The following GATA4 variants were observed in gnomAD, a reference collection of about 807,000 sequenced individuals.
GATA4 encodes GATA binding protein 4, also known as transcription factor GATA-4.
Under a neutral mutation model 37.9 loss-of-function variants are expected in GATA4, and 7 were observed. The observed-to-expected ratio is 0.18, with a 90% CI of 0.11 to 0.35. The LOEUF is 0.35. Among genes scored for constraint, GATA4 ranks in the 10% least tolerant of loss-of-function variants. The pLI is 1.00. For synonymous variants in GATA4, 372 were observed against 292.6 expected (o/e 1.27, Z -2.77); for missense variants, 647 against 653.0 (o/e 0.99, Z 0.10).
intron 1 of GATA4, among the ~76,000 whole-genome samples, chr8:11,686,726 GC>G (rs1799147355): frequency 6.6e-6 from 1 of 152,178 alleles, no homozygotes; most frequent in South Asian, 2.1e-4. Context: ...CAGGCTGGGC[GC>G]AGTAGCTCAT....
intron 2 of GATA4, among the ~76,000 whole-genome samples, chr8:11,734,132 A>G (rs1159081529): frequency 6.6e-6 from 1 of 152,256 alleles, no homozygotes; most frequent in Non-Finnish European, 1.5e-5. Flanking sequence ...TTTTATACAT[A>G]TACATTTGAA....
In GATA4 at chr8:11,756,915, C is replaced by T. The variant is rs766381254; in HGVS notation, c.1001-20C>T. 1 of 1,614,212 alleles carries T rather than the reference C, an allele frequency of 6.2e-7. No individual in the cohort carries two copies. Among genetic ancestry groups the T allele is most frequent in the Non-Finnish European group, 8.5e-7 (1 of 1,180,038 alleles). Reference sequence around the variant, plus strand: ...TGTCCCTGCCGCTGATTTGGGTGTGCTGACTCTGCTTCATTCCAGCTCCTT... The same window carrying T: ...TGTCCCTGCCGCTGATTTGGGTGTGTTGACTCTGCTTCATTCCAGCTCCTT... On this transcript the variant is annotated intron_variant, in intron 5 of 6. Coordinates refer to ENST00000532059, the MANE Select transcript of GATA4 (RefSeq NM_001308093.3).
chr8:11,690,367 A>G (rs747485431), upstream of GATA4, among the ~76,000 whole-genome samples: 1 of 152,252 alleles, frequency 6.6e-6, no homozygotes, highest in African/African-American at 2.4e-5. Context: ...AATGTCTACT[A>G]TATGTTAGAA....
upstream of GATA4, chr8:11,691,927 A>C: frequency 1.2e-6 from 1 of 818,464 alleles, no homozygotes; most frequent in Non-Finnish European, 1.5e-6. Flanking sequence ...AAAAAAAAAA[A>C]TCAAAAACCA....
intron 2 of GATA4, among the ~76,000 whole-genome samples, chr8:11,730,924 C>T (rs913952204): frequency 2.6e-5 from 4 of 152,238 alleles, no homozygotes; most frequent in Non-Finnish European, 2.9e-5. Context: ...GCTCACATTT[C>T]AGGGCATGTG....
In GATA4 at chr8:11,709,581, G is replaced by A. The variant is rs979305928; in HGVS notation, c.616+653G>A. ...GGGCGCATCATGCGGGCAGCGGGGG[G>A]GGGGGCGCACACGCCCGGTCAGTGT... On this transcript the variant is annotated intron_variant, in intron 2 of 6. Coordinates refer to ENST00000532059, the MANE Select transcript of GATA4 (RefSeq NM_001308093.3). This position sits in a 1 kb window ranked among gnomAD's most constrained non-coding sequence, Gnocchi z 4.3. Among the ~76,000 whole-genome samples, 1 of 151,966 alleles carries A rather than the reference G, an allele frequency of 6.6e-6. No individual in the cohort carries two copies. The highest frequency in any genetic ancestry group is 6.6e-5 in the Admixed American group (1 of 15,254).
At chr8:11,733,770 C>A (rs28530664) in intron 2 of GATA4, among the ~76,000 whole-genome samples, 3,731 of 152,314 alleles carry the variant, frequency 0.024, 90 homozygotes, top group East Asian at 0.1. Context: ...CTGCTCTGTT[C>A]TTTCCTGTAC....
rs1479512602 is a variant in GATA4, at chr8:11,758,559, C to G, written c.*84C>G. ...AAGGAGGCCCTGGGCTCCCAGGGGCCGGCCTCCTCTGCCTGGTAATGACTC... is the reference window on the plus strand; with the variant it reads ...AAGGAGGCCCTGGGCTCCCAGGGGCGGGCCTCCTCTGCCTGGTAATGACTC... On this transcript the variant is annotated 3_prime_UTR_variant, in exon 7 of 7. Transcript: ENST00000532059. 7 of 1,351,194 alleles carry G rather than the reference C, an allele frequency of 5.2e-6. No homozygotes were observed. Among genetic ancestry groups the G allele is most frequent in the Non-Finnish European group, 7.4e-6 (7 of 942,872 alleles). The allele number at this position is 1,351,194 out of a possible 1,614,324, so 83.7% of individuals were successfully genotyped here. A position where few individuals can be genotyped will look rare whatever the true frequency, so the allele number is the denominator to read the frequency against.
chr8:11,727,354 G>A (rs184443852), intron 2 of GATA4, among the ~76,000 whole-genome samples: 70 of 152,298 alleles, frequency 4.6e-4, no homozygotes, highest in East Asian at 1.9e-3. Flanking sequence ...TGCTGGGAAG[G>A]GGGGAGAGCT....
chr8:11,702,375 G>A (rs1799705584), upstream of GATA4, among the ~76,000 whole-genome samples: 2 of 151,870 alleles, frequency 1.3e-5, no homozygotes, highest in South Asian at 4.2e-4. The surrounding 1 kb of genome is among the most constrained non-coding windows in gnomAD (Gnocchi z 4.4). Context: ...GAAAGGCCGG[G>A]ATAGCTTCCC....
At chr8:11,699,864 T>A (rs1269961447), upstream of GATA4, among the ~76,000 whole-genome samples, 1 of 152,280 alleles carries the variant, frequency 6.6e-6, no homozygotes, top group Non-Finnish European at 1.5e-5. Flanking sequence ...TTTTATTTTT[T>A]AAATGTTAAA....
chr8:11,691,460 C>G (rs1175631521), upstream of GATA4, among the ~76,000 whole-genome samples: 2 of 152,210 alleles, frequency 1.3e-5, no homozygotes, highest in African/African-American at 4.8e-5. Flanking sequence ...GCCACCACAA[C>G]CCGCTATGTT....
chr8:11,753,667 C>T (rs1432098628), intron 4 of GATA4, among the ~76,000 whole-genome samples: 2 of 151,936 alleles, frequency 1.3e-5, no homozygotes, highest in Admixed American at 6.6e-5. Context: ...GAGAGATGTG[C>T]AGATGGTGGG....
At chr8:11,684,408 T>A (rs554567191) in intron 1 of GATA4, among the ~76,000 whole-genome samples, 2 of 152,212 alleles carry the variant, frequency 1.3e-5, no homozygotes, top group Non-Finnish European at 2.9e-5. Flanking sequence ...GAAAATGACA[T>A]CTTTTTCAAA....
chr8:11,754,809 A>G (rs573260485), intron 4 of GATA4, among the ~76,000 whole-genome samples: 14 of 152,218 alleles, frequency 9.2e-5, no homozygotes, highest in African/African-American at 2.2e-4. Flanking sequence ...TTAGTTCCCT[A>G]TTCTCCAGGC....
intron 2 of GATA4, among the ~76,000 whole-genome samples, chr8:11,744,461 G>T (rs1801932440): frequency 6.6e-6 from 1 of 152,246 alleles, no homozygotes; most frequent in Non-Finnish European, 1.5e-5. Flanking sequence ...CGAGGCCACA[G>T]CTGTGCCCCC....
intron 4 of GATA4, among the ~76,000 whole-genome samples, chr8:11,752,657 G>C (rs1802360235): frequency 6.6e-6 from 1 of 152,166 alleles, no homozygotes; most frequent in African/African-American, 2.4e-5. Context: ...ACAGATGTTT[G>C]AGAATTTTTT....
chr8:11,736,204 C>T (rs918746039), intron 2 of GATA4, among the ~76,000 whole-genome samples: 2 of 152,228 alleles, frequency 1.3e-5, no homozygotes, highest in Admixed American at 6.5e-5. Flanking sequence ...CATGCCTGGC[C>T]TGTTTGAATT....
intron 5 of GATA4, 195 bp from the exon 6 acceptor site, chr8:11,756,740 G>C (rs763116746): frequency 1.5e-6 from 1 of 686,178 alleles, no homozygotes; most frequent in Non-Finnish European, 2.6e-6. Flanking sequence ...TGGCCTCAAG[G>C]GTTTGAGATG....
Sources: allele counts gnomAD v4.1 joint callset (sites outside exome capture counted in the v4.1 genomes callset), GRCh38; gene constraint gnomAD v4.1.1; non-coding constraint Gnocchi (gnomAD v3.1); transcripts MANE v1.5; gene names NCBI Gene and HGNC (gene_info 2026-07-23, HGNC 2026-07-21).